Variants in EYA4 observed in about 807,000 individuals in gnomAD.
EYA4 encodes protein phosphatase EYA4.
EYA4 carries 31 observed loss-of-function variants against 87.9 expected under a neutral mutation model. That is an observed-to-expected ratio of 0.35 (90% CI 0.27 to 0.48). The LOEUF (loss-of-function observed/expected upper bound fraction) is 0.48, where lower values mean the gene tolerates loss of function less well. Among genes scored for constraint, EYA4 ranks in the 20% least tolerant of loss-of-function variants. The pLI is 0.99. For synonymous variants in EYA4, 263 were observed against 270.6 expected, an observed-to-expected ratio of 0.97 and a Z score of 0.28; for missense variants, 678 against 761.4, an observed-to-expected ratio of 0.89 and a Z score of 1.29.
At chr6:133,408,525 A>C (rs989063229) in intron 3 of EYA4, among the ~76,000 whole-genome samples, 5 of 152,220 alleles carry the variant, frequency 3.3e-5, no homozygotes, top group Admixed American at 1.3e-4. Flanking sequence ...AAGGCAATCT[A>C]GTAGAGGATG....
At chr6:133,485,273 A>G (rs996579753) in intron 13 of EYA4, among the ~76,000 whole-genome samples, 10 of 152,288 alleles carry the variant, frequency 6.6e-5, no homozygotes, top group South Asian at 4.1e-4. Context: ...GAGACTCTCT[A>G]TGCATCCTCT....
intron 10 of EYA4, among the ~76,000 whole-genome samples, chr6:133,467,937 A>G (rs952958185): frequency 7.2e-5 from 11 of 152,080 alleles, no homozygotes; most frequent in Non-Finnish European, 1.3e-4. Context: ...TCTGTAACAA[A>G]GGAGGGAAAC....
chr6:133,277,675 C>T (rs1333191434), intron 2 of EYA4, among the ~76,000 whole-genome samples: 1 of 152,214 alleles, frequency 6.6e-6, no homozygotes, highest in African/African-American at 2.4e-5. Flanking sequence ...CAGGTCCACA[C>T]ACTCAGCAAA....
At chr6:133,465,112 G>T (rs1016405682) in intron 10 of EYA4, among the ~76,000 whole-genome samples, 1 of 151,862 alleles carries the variant, frequency 6.6e-6, no homozygotes, top group African/African-American at 2.4e-5. Context: ...TAATCATTTG[G>T]CATGGAATTA....
At chr6:133,302,620 A>T (rs556219443) in intron 2 of EYA4, among the ~76,000 whole-genome samples, 1 of 152,334 alleles carries the variant, frequency 6.6e-6, no homozygotes, top group South Asian at 2.1e-4. Flanking sequence ...TATACACAGT[A>T]CACACAAACA....
Position 133,512,289 on chromosome 6 carries a change from G to T in EYA4, c.1282-432G>T, listed in dbSNP as rs551946344. ...TAATCTGAAGGCAAGCCCCTCTGTTGCCACTCAACAAATGATAAATAATAG... is the reference window on the plus strand; with the variant it reads ...TAATCTGAAGGCAAGCCCCTCTGTTTCCACTCAACAAATGATAAATAATAG... On this transcript the variant is annotated intron_variant, in intron 14 of 19. Transcript: ENST00000355286. Among the ~76,000 whole-genome samples the T allele has an allele frequency of 8.5e-5, 13 of 152,170 alleles. No individual in the cohort carries two copies. The East Asian group carries it at 2.5e-3, about 29-fold the overall frequency.
chr6:133,369,330 T>G (rs1785092264), intron 2 of EYA4, among the ~76,000 whole-genome samples: 1 of 152,166 alleles, frequency 6.6e-6, no homozygotes, highest in Non-Finnish European at 1.5e-5. Context: ...TATTCTTGTT[T>G]CATTTTCATT....
intron 3 of EYA4, among the ~76,000 whole-genome samples, chr6:133,404,945 A>C (rs1788576377): frequency 6.6e-6 from 1 of 152,182 alleles, no homozygotes; most frequent in South Asian, 2.1e-4. Context: ...CTACCCTGGC[A>C]GTACCCTGCT....
At chr6:133,309,824 G>A (rs950239562) in intron 2 of EYA4, among the ~76,000 whole-genome samples, 3 of 152,144 alleles carry the variant, frequency 2.0e-5, no homozygotes, top group African/African-American at 7.2e-5. Context: ...GGTCTGTCTG[G>A]CCTAGAGCTT....
At chr6:133,377,694 G>A (rs996234599) in intron 2 of EYA4, among the ~76,000 whole-genome samples, 2 of 150,838 alleles carry the variant, frequency 1.3e-5, no homozygotes, top group Non-Finnish European at 2.9e-5. Flanking sequence ...CTAGTGCTTG[G>A]TAAAAACTGG....
rs1485897156 is a variant in EYA4, at chr6:133,342,605, A to ATATATATATATC, written c.34-39787_34-39786insTATATATATATC. ...TATATATATATATATATATATATAT[A>ATATATATATATC]ATTCTTTATATTTCTCTGGGCTTAA... On this transcript the variant is annotated intron_variant, in intron 2 of 19. Coordinates refer to ENST00000355286, the MANE Select transcript of EYA4 (RefSeq NM_004100.5). 2.0e-3 allele frequency among the ~76,000 whole-genome samples: 260 copies of ATATATATATATC among 130,428 alleles called. 3 individuals are homozygous for ATATATATATATC. Among genetic ancestry groups the ATATATATATATC allele is most frequent in the African/African-American group, 3.3e-3 (101 of 30,540 alleles). 85.6% of individuals were successfully genotyped at this position (130,428 alleles called of 152,430 possible). A position where few individuals can be genotyped will look rare whatever the true frequency, so the allele number is the denominator to read the frequency against.
intron 5 of EYA4, among the ~76,000 whole-genome samples, chr6:133,450,791 G>C (rs190231551): frequency 6.6e-6 from 1 of 152,206 alleles, no homozygotes; most frequent in African/African-American, 2.4e-5. Context: ...GATTACAGGC[G>C]TGGGCCACTA....
chr6:133,364,827 A>C (rs1192818877), intron 2 of EYA4, among the ~76,000 whole-genome samples: 1 of 152,222 alleles, frequency 6.6e-6, no homozygotes, highest in Non-Finnish European at 1.5e-5. Flanking sequence ...AATCAACTCA[A>C]AAAGATTTAA....
intron 13 of EYA4, among the ~76,000 whole-genome samples, chr6:133,494,366 T>C (rs1334146676): frequency 6.6e-6 from 1 of 152,068 alleles, no homozygotes; most frequent in Non-Finnish European, 1.5e-5. Context: ...AAAAACGAAC[T>C]AATGGTGACA....
chr6:133,308,123 A>G (rs1288596327), intron 2 of EYA4, among the ~76,000 whole-genome samples: 1 of 152,136 alleles, frequency 6.6e-6, no homozygotes, highest in African/African-American at 2.4e-5. Flanking sequence ...TGGAACTGTG[A>G]GTCAGTTAAA....
intron 9 of EYA4, among the ~76,000 whole-genome samples, chr6:133,463,834 ATTAC>A (rs1412331310): frequency 3.3e-5 from 5 of 152,180 alleles, no homozygotes; most frequent in African/African-American, 1.2e-4. Context: ...AAATGAAATA[ATTAC>A]TTAGATATGT....
intron 3 of EYA4, among the ~76,000 whole-genome samples, chr6:133,400,468 A>G (rs1788165266): frequency 6.6e-6 from 1 of 151,668 alleles, no homozygotes; most frequent in Non-Finnish European, 1.5e-5. Flanking sequence ...AGATTGCACC[A>G]CTGAACTCTA....
intron 3 of EYA4, among the ~76,000 whole-genome samples, chr6:133,394,284 GTTTTT>G (rs869103311): frequency 2.8e-4 from 5 of 17,900 alleles, no homozygotes; most frequent in African/African-American, 7.4e-4. Flanking sequence ...ATAAGCTTGT[GTTTTT>G]TTTTTTTTTT....
chr6:133,345,451 A>G (rs1783121105), intron 2 of EYA4, among the ~76,000 whole-genome samples: 4 of 152,288 alleles, frequency 2.6e-5, no homozygotes, highest in African/African-American at 9.6e-5. Flanking sequence ...AAAATATTTT[A>G]AATTAAAAAT....
Sources: gnomAD v4.1 joint callset for allele counts (sites outside exome capture counted in the v4.1 genomes callset) on GRCh38, gnomAD v4.1.1 for gene constraint, MANE v1.5 for transcripts, NCBI Gene and HGNC (gene_info 2026-07-23, HGNC 2026-07-21) for gene names.